The following TRIM41 variants were observed in gnomAD, a reference collection of about 807,000 sequenced individuals.
TRIM41 encodes E3 ubiquitin-protein ligase TRIM41.
In TRIM41, 21 loss-of-function variants were observed where a neutral mutation model predicts 60.6. That is an observed-to-expected ratio of 0.35 (90% CI 0.25 to 0.50). The LOEUF is 0.50. TRIM41 is among the 20% of genes least tolerant of loss of function. TRIM41 has a pLI of 0.98. For synonymous variants in TRIM41, 407 were observed against 344.9 expected (o/e 1.18, Z -2.00); for missense variants, 846 against 868.3 (o/e 0.97, Z 0.32).
Position 181,223,288 on chromosome 5 carries a change from G to A in TRIM41, c.-712G>A. Reference sequence around the variant, plus strand: ...CCGCGGACCCACCCCCTCGCTTCCGGCATCGGCTGTGGGGAGTACCGGCTG... The same window carrying A: ...CCGCGGACCCACCCCCTCGCTTCCGACATCGGCTGTGGGGAGTACCGGCTG... On this transcript the variant is annotated 5_prime_UTR_variant, in exon 1 of 6. Transcript: ENST00000315073. 2.5e-6 allele frequency: 1 copy of A among 398,906 alleles called. No individual in the cohort carries two copies. The highest frequency in any genetic ancestry group is 4.4e-6 in the Non-Finnish European group (1 of 226,248). The allele number at this position is 398,906 out of a possible 1,614,324, so 24.7% of individuals were successfully genotyped here.
In TRIM41 at chr5:181,234,637, T is replaced by C; in HGVS notation, c.1755T>C (p.Tyr585=). 1 of 1,614,244 alleles carries C rather than the reference T, an allele frequency of 6.2e-7. No individual in the cohort carries two copies. Among genetic ancestry groups the C allele is most frequent in the Non-Finnish European group, 8.5e-7 (1 of 1,180,040 alleles). ...GGCGCTTTGGTGTGTACCTGGACTA[T>C]GAAGCTGGGCGCCTGGGCTTCTACA... The part of the protein sequence containing the change: ...KPRRFGVYLD[Y]EAGRLGFYNA... The change falls in exon 6 of 6, where the codon TAT becomes TAC. Residue 585 remains tyrosine, a synonymous_variant. Coordinates refer to ENST00000315073, the MANE Select transcript of TRIM41 (RefSeq NM_033549.5). This position sits in a 1 kb window ranked among gnomAD's most constrained non-coding sequence, Gnocchi z 5.6.
Position 181,233,797 on chromosome 5 carries a change from T to C in TRIM41, c.1291+34T>C. ...GTCACCTCCACGACCTTCCTTTGCC[T>C]TTCCCTTCACAGACCTGAGACTGGG... On this transcript the variant is annotated intron_variant, in intron 5 of 5. Transcript: ENST00000315073. The surrounding 1 kb of genome is among the most constrained non-coding windows in gnomAD (Gnocchi z 4.1). The C allele has an allele frequency of 1.2e-6, 2 of 1,614,126 alleles. No individual in the cohort carries two copies. Among genetic ancestry groups the C allele is most frequent in the South Asian group, 2.2e-5 (2 of 91,080 alleles).
At chr5:181,232,510 G>C (rs1758846325) in intron 2 of TRIM41, 149 bp from the exon 3 acceptor site, 5 of 708,118 alleles carry the variant, frequency 7.1e-6, no homozygotes, top group Non-Finnish European at 1.2e-5. Flanking sequence ...TGGTAAGGCT[G>C]GTAGGGGATG....
Position 181,235,412 on chromosome 5 carries a change from C to G in TRIM41, c.*637C>G, listed in dbSNP as rs1308373120. The G allele has an allele frequency of 8.1e-6, 13 of 1,614,012 alleles. No individual in the cohort carries two copies. The highest frequency in any genetic ancestry group is 1.1e-5 in the Non-Finnish European group (13 of 1,179,994). On this transcript the variant is annotated 3_prime_UTR_variant, in exon 6 of 6. Coordinates refer to ENST00000315073, the MANE Select transcript of TRIM41 (RefSeq NM_033549.5). Reference sequence around the variant, plus strand: ...CTGGAATGGTCGCCATGATTGAAACCACGCACCATTACATCATCATTACAT... The same window carrying G: ...CTGGAATGGTCGCCATGATTGAAACGACGCACCATTACATCATCATTACAT...
At chr5:181,232,920 C>T (rs1399122823) in intron 3 of TRIM41, 31 bp downstream of exon 3, 1 of 1,532,416 alleles carries the variant, frequency 6.5e-7, no homozygotes, top group South Asian at 1.2e-5. Context: ...GTTCCCCCAG[C>T]ATTCTGTGTT....
At position 181,232,655 on chromosome 5, in the gene TRIM41, C is replaced by A. The variant is rs768642232; in HGVS notation, c.910-4C>A. 6.2e-7 allele frequency: 1 copy of A among 1,613,168 alleles called. No individual in the cohort carries two copies. The highest frequency in any genetic ancestry group is 8.5e-7 in the Non-Finnish European group (1 of 1,179,678). ...TGTCTGCCATCCCCTTTGCACCATT[C>A]CAGAGCCAGATGAAGTCAGAGCTGG... is the stretch of plus-strand genomic sequence containing the variant. On this transcript the variant is annotated splice_region_variant and splice_polypyrimidine_tract_variant and intron_variant, in intron 2 of 5. Transcript: ENST00000315073.
In TRIM41 at chr5:181,235,457, T is replaced by A; in HGVS notation, c.*682T>A. 6.2e-7 allele frequency: 1 copy of A among 1,601,186 alleles called. No homozygotes were observed. Among genetic ancestry groups the A allele is most frequent in the Non-Finnish European group, 8.5e-7 (1 of 1,171,604 alleles). Reference sequence around the variant, plus strand: ...TTACATTAATTACATCAACATAAATTATTTCTTCCCCCTTCCCTTTTCCAG... The same window carrying A: ...TTACATTAATTACATCAACATAAATAATTTCTTCCCCCTTCCCTTTTCCAG... On this transcript the variant is annotated 3_prime_UTR_variant, in exon 6 of 6. Transcript: ENST00000315073.
rs78777167 is a variant in TRIM41, at chr5:181,232,750, G to A, written c.1001G>A (p.Arg334His). ...LAEEQAGLER[R>H]LREMHEAQLG... ...GAAGAGCAGGCAGGGCTGGAACGGCGTCTCAGAGAGATGCATGAAGCCCAG... is the reference window on the plus strand; with the variant it reads ...GAAGAGCAGGCAGGGCTGGAACGGCATCTCAGAGAGATGCATGAAGCCCAG... The change falls in exon 3 of 6, where the codon CGT becomes CAT. Residue 334 changes from arginine to histidine, a missense_variant. Physicochemically the swap from Arg to His is conservative, Grantham distance 29. Coordinates refer to ENST00000315073, the MANE Select transcript of TRIM41 (RefSeq NM_033549.5). The A allele has an allele frequency of 2.5e-5, 40 of 1,613,644 alleles. No homozygotes were observed. Among genetic ancestry groups the A allele is most frequent in the Middle Eastern group, 1.6e-4 (1 of 6,080 alleles).
At chr5:181,226,418 T>A (rs543941385) in intron 1 of TRIM41, 1 of 152,212 alleles carries the variant, frequency 6.6e-6, no homozygotes, top group Non-Finnish European at 1.5e-5. Context: ...CAAAGATTGT[T>A]AAACCTGCCT....
intron 2 of TRIM41, chr5:181,231,318 A>G (rs954544420): frequency 3.2e-5 from 5 of 154,882 alleles, no homozygotes; most frequent in African/African-American, 1.2e-4. Context: ...CAGAGACCTA[A>G]TATTTCCTAG....
chr5:181,224,188 G>GGAGGAGGAGGACGGA lies in TRIM41; in HGVS notation c.201_215dup (p.Asp67_Glu71dup). 1 of 1,613,490 alleles carries GGAGGAGGAGGACGGA rather than the reference G, an allele frequency of 6.2e-7. No homozygotes were observed. Among genetic ancestry groups the GGAGGAGGAGGACGGA allele is most frequent in the Non-Finnish European group, 8.5e-7 (1 of 1,179,850 alleles). ...ACAGAGATGAGTTAGATCGGGAGGA[G>GGAGGAGGAGGACGGA]GAGGAGGAGGACGGAGAGGAGGAGG... is the stretch of plus-strand genomic sequence containing the variant. On this transcript the variant is annotated inframe_insertion, in exon 1 of 6. Coordinates refer to ENST00000315073, the MANE Select transcript of TRIM41 (RefSeq NM_033549.5).
In TRIM41 at chr5:181,223,307, C is replaced by A; in HGVS notation, c.-693C>A. ...CTTCCGGCATCGGCTGTGGGGAGTACCGGCTGCAGTCGGCTGTGCCGGGAG... is the reference window on the plus strand; with the variant it reads ...CTTCCGGCATCGGCTGTGGGGAGTAACGGCTGCAGTCGGCTGTGCCGGGAG... On this transcript the variant is annotated 5_prime_UTR_variant, in exon 1 of 6. Transcript: ENST00000315073. The A allele has an allele frequency of 2.5e-6, 1 of 399,152 alleles. No individual in the cohort carries two copies. 24.7% of individuals were successfully genotyped at this position (399,152 alleles called of 1,614,324 possible). A position where few individuals can be genotyped will look rare whatever the true frequency, so the allele number is the denominator to read the frequency against.
chr5:181,226,855 A>G (rs1196300438), intron 1 of TRIM41: 1 of 142,072 alleles, frequency 7.0e-6, no homozygotes, highest in African/African-American at 2.7e-5. Context: ...AAAAAAAGTC[A>G]TAATCTCTTT....
Position 181,224,380 on chromosome 5 carries a change from G to C in TRIM41, c.381G>C (p.Glu127Asp), listed in dbSNP as rs781144195. The change falls in exon 1 of 6, where the codon GAG (glutamate) becomes GAC (aspartate). Residue 127 changes from glutamate (E) to aspartate (D), a missense_variant. Physicochemically the swap from Glu to Asp is conservative, Grantham distance 45. Transcript: ENST00000315073. ...ACATGGACTATGTGTGGGAGGAGGA[G>C]GACGAGGAGGAAGACCTGGACTACT... Reference protein sequence around the residue: ...WDNMDYVWEEEDEEEDLDYYL... With the variant: ...WDNMDYVWEEDDEEEDLDYYL... 3.1e-6 allele frequency: 5 copies of C among 1,612,728 alleles called. No individual in the cohort carries two copies. The highest frequency in any genetic ancestry group is 1.3e-5 in the African/African-American group (1 of 74,962).
At position 181,224,122 on chromosome 5, in the gene TRIM41, A is replaced by T. The variant is rs1758422591; in HGVS notation, c.123A>T (p.Arg41=). 6.2e-7 allele frequency: 1 copy of T among 1,614,078 alleles called. No homozygotes were observed. Among genetic ancestry groups the T allele is most frequent in the African/African-American group, 1.3e-5 (1 of 75,010 alleles). The change falls in exon 1 of 6, where the codon CGA becomes CGT. Residue 41 remains arginine, a synonymous_variant. Coordinates refer to ENST00000315073, the MANE Select transcript of TRIM41 (RefSeq NM_033549.5). ...TCGGCTGCGGGCACAACTTCTGCCGAGTTTGTGTAACCCAGTTGTGGGGTG... is the reference window on the plus strand; with the variant it reads ...TCGGCTGCGGGCACAACTTCTGCCGTGTTTGTGTAACCCAGTTGTGGGGTG... ...VSIGCGHNFC[R]VCVTQLWGGE...
chr5:181,232,992 A>T (rs1160488577), intron 3 of TRIM41, 103 bp downstream of exon 3: 1 of 1,192,622 alleles, frequency 8.4e-7, no homozygotes, highest in Non-Finnish European at 1.2e-6. Flanking sequence ...CCTGGGAGGA[A>T]CCCACAGTGA....
In TRIM41 at chr5:181,234,839, CGTAAGTTTGAGGG is replaced by C; in HGVS notation, c.*65_*77del. ...GGGGGGTGGGTGGTGGAGGGTGGCC[CGTAAGTTTGAGGG>C]CTCAAAGGCTCTTCCCACTGCTTGT... On this transcript the variant is annotated 3_prime_UTR_variant, in exon 6 of 6. Transcript: ENST00000315073. This position sits in a 1 kb window ranked among gnomAD's most constrained non-coding sequence, Gnocchi z 5.6. The C allele has an allele frequency of 6.2e-7, 1 of 1,606,940 alleles. No homozygotes were observed. Among genetic ancestry groups the C allele is most frequent in the Non-Finnish European group, 8.5e-7 (1 of 1,176,832 alleles).
rs1582266131 is a variant in TRIM41 at position 181,224,146 on chromosome 5, T to C, written c.147T>C (p.Gly49=). 5.6e-6 allele frequency: 9 copies of C among 1,611,880 alleles called. No individual in the cohort carries two copies. The highest frequency in any genetic ancestry group is 1.7e-5 in the Admixed American group (1 of 59,838). ...FCRVCVTQLW[G]GEDEEDRDEL... is the part of the protein sequence containing the mutation. ...GAGTTTGTGTAACCCAGTTGTGGGG[T>C]GGGGAGGATGAGGAGGACAGAGATG... Residue 49 remains glycine (G), a synonymous_variant, in exon 1 of 6, where the codon GGT becomes GGC. Coordinates refer to ENST00000315073, the MANE Select transcript of TRIM41 (RefSeq NM_033549.5).
At position 181,233,580 on chromosome 5, in the gene TRIM41, G is replaced by C. The variant is rs78920366; in HGVS notation, c.1164-56G>C. ...CCTCCTCTCCTTCCCCTCAGCTTTT[G>C]CTTTTCCCTCTGGGAATATCGTGGT... is the stretch of plus-strand genomic sequence containing the variant. On this transcript the variant is annotated intron_variant, in intron 4 of 5. Transcript: ENST00000315073. This position sits in a 1 kb window ranked among gnomAD's most constrained non-coding sequence, Gnocchi z 4.1. The C allele has an allele frequency of 2.5e-6, 4 of 1,610,320 alleles. No homozygotes were observed. The highest frequency in any genetic ancestry group is 3.4e-6 in the Non-Finnish European group (4 of 1,177,526).
Sources: allele counts gnomAD v4.1 joint callset, GRCh38; gene constraint gnomAD v4.1.1; non-coding constraint Gnocchi (gnomAD v3.1); transcripts MANE v1.5; gene names NCBI Gene and HGNC (gene_info 2026-07-23, HGNC 2026-07-21).